The following TRHDE variants were observed in gnomAD, a reference collection of about 807,000 sequenced individuals.
TRHDE encodes thyrotropin releasing hormone degrading enzyme, also known as thyrotropin-releasing hormone-degrading ectoenzyme.
Under a neutral mutation model 125.7 loss-of-function variants are expected in TRHDE, and 72 were observed. The ratio of observed to expected loss-of-function variants is 0.57; its 90% CI spans 0.47 to 0.70. The LOEUF is 0.70. Ranked by LOEUF, TRHDE falls within the 30% of genes least tolerant of loss-of-function variation. The pLI is 0.00. For synonymous variants in TRHDE, 509 were observed against 509.1 expected, an observed-to-expected ratio of 1.00 and a Z score of 0.00; for missense variants, 1,110 against 1,327.1, an observed-to-expected ratio of 0.84 and a Z score of 2.54.
chr12:72,440,635 A>G (rs1874962861), intron 3 of TRHDE, among the ~76,000 whole-genome samples: 2 of 151,954 alleles, frequency 1.3e-5, no homozygotes, highest in East Asian at 3.9e-4. Context: ...TACTTTGACA[A>G]AAACAGTAAC....
At chr12:72,618,825 T>C in intron 12 of TRHDE, 66 bp from the exon 13 acceptor site, 1 of 1,354,876 alleles carries the variant, frequency 7.4e-7, no homozygotes, top group Non-Finnish European at 9.7e-7. Context: ...TTTCCGTCTT[T>C]TATTTGCGTA....
intron 2 of TRHDE, among the ~76,000 whole-genome samples, chr12:72,317,689 A>C (rs1868870477): frequency 2.0e-5 from 3 of 152,230 alleles, no homozygotes; most frequent in Admixed American, 2.0e-4. Context: ...ACATTTAAAC[A>C]TAGCAACAGG....
At chr12:72,216,038 A>T (rs1239599500) in intron 2 of TRHDE, among the ~76,000 whole-genome samples, 1 of 152,210 alleles carries the variant, frequency 6.6e-6, no homozygotes, top group Non-Finnish European at 1.5e-5. Flanking sequence ...AAGTTAGTCA[A>T]TGTGAGTCCT....
chr12:72,119,839 C>G (rs1004590356), intron 2 of TRHDE, among the ~76,000 whole-genome samples: 3 of 152,100 alleles, frequency 2.0e-5, no homozygotes, highest in Admixed American at 6.5e-5. Context: ...CTAAGTATAG[C>G]TACTTCTACT....
chr12:72,553,744 C>T (rs1434692440), intron 7 of TRHDE, among the ~76,000 whole-genome samples: 1 of 151,852 alleles, frequency 6.6e-6, no homozygotes, highest in Admixed American at 6.6e-5. Context: ...CACCCCCCAC[C>T]CCACCCAGGC....
At chr12:72,139,412 G>T (rs201705068) in intron 2 of TRHDE, among the ~76,000 whole-genome samples, 1 of 152,046 alleles carries the variant, frequency 6.6e-6, no homozygotes, top group African/African-American at 2.4e-5. Flanking sequence ...TGTTAATAAG[G>T]TTATAAAATA....
chr12:72,620,338 C>CAAAAAAAAAAA (rs3080963), intron 13 of TRHDE, among the ~76,000 whole-genome samples: 1 of 67,500 alleles, frequency 1.5e-5, no homozygotes, highest in Non-Finnish European at 3.5e-5. Context: ...CCCATCTCTA[C>CAAAAAAAAAAA]AAAAAAAAAA....
At position 72,273,006 on chromosome 12, in the gene TRHDE, C is replaced by G. The variant is rs1180452751; in HGVS notation, c.363C>G (p.Ala121=). The G allele has an allele frequency of 5.2e-6, 8 of 1,544,142 alleles. 1 individual carries two copies. In the South Asian group the frequency reaches 5.9e-5, roughly 11 times the overall value. The change falls in exon 1 of 19, where the codon GCC becomes GCG. Residue 121 remains alanine (A), a synonymous_variant. Transcript: ENST00000261180. This position sits in a 1 kb window ranked among gnomAD's most constrained non-coding sequence, Gnocchi z 5.3. ...GCGGGGCGAGTGCCACGCCAGGCGC[C>G]GACGGTGGCCCCTCAGGCTTTCCGG... ...DECGASATPG[A]DGGPSGFPER... is the part of the protein sequence containing the mutation.
At position 72,598,808 on chromosome 12, in the gene TRHDE, T is replaced by C. The variant is rs189222203; in HGVS notation, c.2322-20083T>C. Among the ~76,000 whole-genome samples, 153 of 152,188 alleles carry C rather than the reference T, an allele frequency of 1.0e-3. 1 individual carries two copies. The highest frequency in any genetic ancestry group is 8.7e-3 in the South Asian group (42 of 4,820). ...TATGTTGTGTGATGCTGAGGTTTGGTATAGAAATGATCCCATCAGCCAGAT... is the reference window on the plus strand; with the variant it reads ...TATGTTGTGTGATGCTGAGGTTTGGCATAGAAATGATCCCATCAGCCAGAT... On this transcript the variant is annotated intron_variant, in intron 12 of 18. Transcript: ENST00000261180.
chr12:72,308,821 T>G (rs1270670024), intron 2 of TRHDE, among the ~76,000 whole-genome samples: 1 of 152,176 alleles, frequency 6.6e-6, no homozygotes, highest in Non-Finnish European at 1.5e-5. Context: ...AAGAAACTTC[T>G]CTAATCCAGT....
intron 7 of TRHDE, chr12:72,560,418 A>T (rs1870122355): frequency 6.6e-6 from 1 of 152,236 alleles, no homozygotes; most frequent in Non-Finnish European, 1.5e-5. Flanking sequence ...ATTGGATTTT[A>T]TAGTATTCCT....
chr12:72,388,679 G>T (rs1320474902), intron 3 of TRHDE, among the ~76,000 whole-genome samples: 1 of 152,154 alleles, frequency 6.6e-6, no homozygotes, highest in Non-Finnish European at 1.5e-5. Context: ...TGGAAGAGAT[G>T]AAGGATGACT....
At chr12:72,580,524 C>A (rs1422535414) in intron 12 of TRHDE, among the ~76,000 whole-genome samples, 1 of 152,230 alleles carries the variant, frequency 6.6e-6, no homozygotes, top group Non-Finnish European at 1.5e-5. Flanking sequence ...TCACTGCAAC[C>A]TCTGCCTCCT....
chr12:72,326,029 A>C (rs1306972011), intron 2 of TRHDE, among the ~76,000 whole-genome samples: 1 of 152,202 alleles, frequency 6.6e-6, no homozygotes, highest in East Asian at 1.9e-4. Context: ...GGCATTGTTA[A>C]CAAACTGCGT....
intron 2 of TRHDE, among the ~76,000 whole-genome samples, chr12:72,336,842 C>T (rs945754151): frequency 3.9e-5 from 6 of 152,150 alleles, no homozygotes; most frequent in Admixed American, 1.3e-4. Flanking sequence ...GCAGAGCGCT[C>T]ATAACCTAGT....
chr12:72,663,854 T>C lies in TRHDE; in HGVS notation c.*659T>C, dbSNP rs1255050341. The C allele has an allele frequency of 6.6e-6, 1 of 152,048 alleles. No homozygotes were observed. The allele number at this position is 152,048 out of a possible 1,614,324, so 9.4% of individuals were successfully genotyped here. On this transcript the variant is annotated 3_prime_UTR_variant, in exon 19 of 19. Coordinates refer to ENST00000261180, the MANE Select transcript of TRHDE (RefSeq NM_013381.3). ...CTGTGTATACATTTTAAAAGGCATA[T>C]AGATAGTGTATGCATATGTATATGT... is the stretch of plus-strand genomic sequence containing the variant.
chr12:72,446,147 T>A (rs1376455580), intron 3 of TRHDE, among the ~76,000 whole-genome samples: 1 of 126,452 alleles, frequency 7.9e-6, no homozygotes, highest in African/African-American at 3.7e-5. Flanking sequence ...CGATTGTGCA[T>A]TTCTTTTTTT....
Position 72,360,614 on chromosome 12 carries a change from T to G in TRHDE, c.1189-17381T>G, listed in dbSNP as rs942472538. On this transcript the variant is annotated intron_variant, in intron 2 of 18. Coordinates refer to ENST00000261180, the MANE Select transcript of TRHDE (RefSeq NM_013381.3). ...GGTGAGGATGTGGGGAAGCAGGGCT[T>G]GTACTGGTAAGATGTAAATTGGTAC... is the stretch of plus-strand genomic sequence containing the variant. Among the ~76,000 whole-genome samples, 14 of 151,886 alleles carry G rather than the reference T, an allele frequency of 9.2e-5. No homozygotes were observed. The East Asian group carries it at 2.7e-3, about 30-fold the overall frequency.
chr12:72,244,816 G>A (rs138763677), intron 2 of TRHDE, among the ~76,000 whole-genome samples: 59 of 152,092 alleles, frequency 3.9e-4, no homozygotes, highest in Non-Finnish European at 7.8e-4. Flanking sequence ...GACTGCAAAC[G>A]AAGAACTTGT....
Sources: gnomAD v4.1 joint callset for allele counts (sites outside exome capture counted in the v4.1 genomes callset) on GRCh38, gnomAD v4.1.1 for gene constraint, Gnocchi (gnomAD v3.1) non-coding constraint, MANE v1.5 for transcripts, NCBI Gene and HGNC (gene_info 2026-07-23, HGNC 2026-07-21) for gene names.